The following PIBF1 variants were observed in gnomAD, a reference collection of about 807,000 sequenced individuals.
The protein encoded by PIBF1 is progesterone-induced-blocking factor 1.
PIBF1 carries 90 observed loss-of-function variants against 112.5 expected under a neutral mutation model. The observed-to-expected ratio is 0.80, with a 90% CI of 0.67 to 0.95. The LOEUF is 0.95. Among genes scored for constraint, PIBF1 ranks in the 40% least tolerant of loss-of-function variants. The probability of loss-of-function intolerance (pLI) is 0.00; values close to 1 mark genes in which losing one functional copy is unlikely to be tolerated. For missense variants in PIBF1, 915 were observed against 852.3 expected (o/e 1.07, Z -0.92); for synonymous variants, 301 against 288.6 (o/e 1.04, Z -0.44).
chr13:72,895,654 A>G (rs1340221892), intron 11 of PIBF1, among the ~76,000 whole-genome samples: 1 of 152,084 alleles, frequency 6.6e-6, no homozygotes, highest in Non-Finnish European at 1.5e-5. Flanking sequence ...TAAGTGGGAA[A>G]TCTCATGAGT....
chr13:72,849,672 A>G (rs1181170988), intron 9 of PIBF1, among the ~76,000 whole-genome samples: 1 of 152,200 alleles, frequency 6.6e-6, no homozygotes, highest in East Asian at 1.9e-4. Context: ...TGGTCATGTA[A>G]TATAAATCTC....
chr13:72,897,695 A>T (rs1383605291), intron 11 of PIBF1, among the ~76,000 whole-genome samples: 1 of 152,244 alleles, frequency 6.6e-6, no homozygotes, highest in African/African-American at 2.4e-5. Context: ...ACTTTAAAGC[A>T]ACAGTGGTTA....
chr13:72,795,890 C>A (rs973433617), intron 4 of PIBF1, among the ~76,000 whole-genome samples: 1 of 152,024 alleles, frequency 6.6e-6, no homozygotes. Context: ...GAGGAGTCAG[C>A]GTGGTTATAA....
rs921074321 is a variant in PIBF1, at chr13:72,852,678, A to G, written c.1224-1379A>G. Among the ~76,000 whole-genome samples, 4 of 152,252 alleles carry G rather than the reference A, an allele frequency of 2.6e-5. No individual in the cohort carries two copies. The South Asian group carries it at 8.3e-4, about 31-fold the overall frequency. On this transcript the variant is annotated intron_variant, in intron 9 of 17. Coordinates refer to ENST00000326291, the MANE Select transcript of PIBF1 (RefSeq NM_006346.4). ...CACCACCATGCAAAAGACTAGATTG[A>G]GTACTGGTACAGCAAATATGACTAC...
At chr13:72,938,321 G>A (rs2041925928) in intron 14 of PIBF1, among the ~76,000 whole-genome samples, 1 of 151,996 alleles carries the variant, frequency 6.6e-6, no homozygotes, top group East Asian at 1.9e-4. Context: ...CATCACCTGG[G>A]AAGGAAACCC....
At chr13:72,833,951 A>G (rs964144133) in intron 8 of PIBF1, among the ~76,000 whole-genome samples, 1 of 152,284 alleles carries the variant, frequency 6.6e-6, no homozygotes, top group Non-Finnish European at 1.5e-5. Flanking sequence ...TTTTAAAAAG[A>G]CACTGTGGTT....
chr13:72,949,300 C>CTTTTTGTTTTTTTT (rs2042232978), intron 14 of PIBF1, among the ~76,000 whole-genome samples: 1 of 54,954 alleles, frequency 1.8e-5, no homozygotes, highest in African/African-American at 7.2e-5. Context: ...AAATAGCTGT[C>CTTTTTGTTTTTTTT]TTTTTTTTTT....
intron 15 of PIBF1, among the ~76,000 whole-genome samples, chr13:72,967,510 G>T (rs2042774233): frequency 6.6e-6 from 1 of 152,114 alleles, no homozygotes; most frequent in Non-Finnish European, 1.5e-5. Flanking sequence ...GATAGAGTAA[G>T]AATTCAATTT....
At chr13:72,938,767 G>C (rs1054573440) in intron 14 of PIBF1, among the ~76,000 whole-genome samples, 3 of 152,142 alleles carry the variant, frequency 2.0e-5, no homozygotes, top group Non-Finnish European at 1.5e-5. Context: ...TAGTGACTAT[G>C]CCATTTTACA....
intron 17 of PIBF1, among the ~76,000 whole-genome samples, chr13:73,010,039 C>G (rs1242597334): frequency 2.6e-5 from 4 of 152,114 alleles, no homozygotes; most frequent in Admixed American, 6.5e-5. Context: ...TGCAAATGTA[C>G]AAACCAATTC....
intron 10 of PIBF1, among the ~76,000 whole-genome samples, chr13:72,868,726 G>C (rs1482782965): frequency 6.7e-6 from 1 of 149,654 alleles, no homozygotes; most frequent in East Asian, 2.0e-4. Flanking sequence ...ATTCATTCCT[G>C]TAATCCCTAC....
At chr13:72,901,728 G>A (rs2040493369) in intron 11 of PIBF1, among the ~76,000 whole-genome samples, 1 of 151,540 alleles carries the variant, frequency 6.6e-6, no homozygotes, top group Non-Finnish European at 1.5e-5. Flanking sequence ...GCATGGATGC[G>A]GCGATCAGGG....
At chr13:72,878,618 G>T (rs1049514278) in intron 10 of PIBF1, among the ~76,000 whole-genome samples, 2 of 152,126 alleles carry the variant, frequency 1.3e-5, no homozygotes, top group African/African-American at 4.8e-5. Context: ...TTCTGCTATT[G>T]TTGATAAATT....
At chr13:72,905,080 TGGAGACAGAG>T (rs1566430321) in intron 11 of PIBF1, among the ~76,000 whole-genome samples, 2 of 146,820 alleles carry the variant, frequency 1.4e-5, no homozygotes, top group Non-Finnish European at 1.5e-5. Context: ...TTTTTTTTTT[TGGAGACAGAG>T]TCTCACTCTA....
intron 12 of PIBF1, among the ~76,000 whole-genome samples, chr13:72,909,352 T>G (rs150364781): frequency 1.2e-3 from 184 of 152,182 alleles, no homozygotes; most frequent in African/African-American, 4.2e-3. Context: ...TAACAAATAA[T>G]TAGAGTAGCA....
intron 15 of PIBF1, chr13:72,969,845 T>G (rs1207533598): frequency 6.6e-6 from 1 of 152,334 alleles, no homozygotes; most frequent in East Asian, 1.9e-4. Context: ...CTTTGGCATG[T>G]AGGAGAATCT....
chr13:72,852,542 G>A lies in PIBF1; in HGVS notation c.1224-1515G>A, dbSNP rs116943328. Among the ~76,000 whole-genome samples, 144 of 152,294 alleles carry A rather than the reference G, an allele frequency of 9.5e-4. No individual in the cohort carries two copies. The Middle Eastern group carries it at 0.014, about 14-fold the overall frequency. ...AGCTTGAGCCGAGTACAGCCTGTGA[G>A]GCCGAGTGGGTGGAACAAGCCCAGT... On this transcript the variant is annotated intron_variant, in intron 9 of 17. Transcript: ENST00000326291.
chr13:72,993,781 A>G (rs2043557181), intron 16 of PIBF1, among the ~76,000 whole-genome samples: 2 of 151,722 alleles, frequency 1.3e-5, no homozygotes, highest in African/African-American at 4.8e-5. Flanking sequence ...ATGGCATCAG[A>G]GTTTTCAGAA....
At chr13:72,849,041 C>T (rs2038008831) in intron 9 of PIBF1, among the ~76,000 whole-genome samples, 1 of 152,182 alleles carries the variant, frequency 6.6e-6, no homozygotes, top group Admixed American at 6.5e-5. Context: ...AGGATACTCA[C>T]TTACCCTTTG....
Sources: allele counts gnomAD v4.1 joint callset (sites outside exome capture counted in the v4.1 genomes callset), GRCh38; gene constraint gnomAD v4.1.1; transcripts MANE v1.5; gene names NCBI Gene and HGNC (gene_info 2026-07-23, HGNC 2026-07-21).